PAPPA2: variants seen among roughly 807,000 people sequenced by gnomAD.
The protein encoded by PAPPA2 is pappalysin 2.
Under a neutral mutation model 176.4 loss-of-function variants are expected in PAPPA2, and 86 were observed. The ratio of observed to expected loss-of-function variants is 0.49; its 90% CI spans 0.41 to 0.58. The LOEUF (loss-of-function observed/expected upper bound fraction) is 0.58, where lower values mean the gene tolerates loss of function less well. Ranked by LOEUF, PAPPA2 falls within the 20% of genes least tolerant of loss-of-function variation. The pLI is 0.00. For synonymous variants in PAPPA2, 809 were observed against 852.2 expected (o/e 0.95, Z 0.88); for missense variants, 2,073 against 2,256.9 (o/e 0.92, Z 1.65).
chr1:176,818,705 C>T (rs901140636), intron 21 of PAPPA2, among the ~76,000 whole-genome samples: 13 of 152,182 alleles, frequency 8.5e-5, no homozygotes, highest in African/African-American at 2.9e-4. Context: ...AGCCTAATCC[C>T]AGCATAGCAG....
chr1:176,801,751 A>G (rs1483832593), intron 21 of PAPPA2, among the ~76,000 whole-genome samples: 1 of 152,138 alleles, frequency 6.6e-6, no homozygotes, highest in Non-Finnish European at 1.5e-5. Flanking sequence ...TGCTGCTTCT[A>G]TGCATGATCT....
chr1:176,561,601 TA>T (rs1388400653), intron 2 of PAPPA2, among the ~76,000 whole-genome samples: 2 of 152,190 alleles, frequency 1.3e-5, no homozygotes, highest in Non-Finnish European at 2.9e-5. Context: ...TTATTTTATT[TA>T]AAAAAATCCA....
At chr1:176,729,850 A>T (rs532664961) in intron 12 of PAPPA2, among the ~76,000 whole-genome samples, 1 of 152,186 alleles carries the variant, frequency 6.6e-6, no homozygotes, top group African/African-American at 2.4e-5. Flanking sequence ...GCCTCTTGAA[A>T]AACATACTTG....
intron 3 of PAPPA2, among the ~76,000 whole-genome samples, chr1:176,658,256 G>A (rs763257987): frequency 5.3e-5 from 8 of 151,926 alleles, no homozygotes; most frequent in Non-Finnish European, 1.0e-4. Context: ...AGGAACACTA[G>A]TTTTGATGTT....
At chr1:176,521,349 G>A (rs1280025733) in intron 1 of PAPPA2, among the ~76,000 whole-genome samples, 1 of 152,062 alleles carries the variant, frequency 6.6e-6, no homozygotes, top group Non-Finnish European at 1.5e-5. Flanking sequence ...TTGGAACTCA[G>A]CAACCACCCT....
chr1:176,629,314 A>G (rs550675508), intron 3 of PAPPA2, among the ~76,000 whole-genome samples: 62 of 152,342 alleles, frequency 4.1e-4, no homozygotes, highest in African/African-American at 1.1e-3. Context: ...TAATGAAAAT[A>G]TTAAATAATG....
At chr1:176,693,156 A>G (rs1446081781) in intron 6 of PAPPA2, among the ~76,000 whole-genome samples, 2 of 152,234 alleles carry the variant, frequency 1.3e-5, no homozygotes, top group East Asian at 1.9e-4. Context: ...TGACCTGTGC[A>G]GACTGACCTC....
At position 176,844,417 on chromosome 1, in the gene PAPPA2, A is replaced by C. The variant is rs1423757558; in HGVS notation, c.*1963A>C. 1.3e-5 allele frequency: 2 copies of C among 152,192 alleles called. No homozygotes were observed. Among genetic ancestry groups the C allele is most frequent in the African/African-American group, 2.4e-5 (1 of 41,466 alleles). 9.4% of individuals were successfully genotyped at this position (152,192 alleles called of 1,614,324 possible). Reference sequence around the variant, plus strand: ...CCTGAAAGAGAATAAAACACGAATAAGGTGATGTACCCACATTAATCTGTG... The same window carrying C: ...CCTGAAAGAGAATAAAACACGAATACGGTGATGTACCCACATTAATCTGTG... On this transcript the variant is annotated 3_prime_UTR_variant, in exon 23 of 23. Coordinates refer to ENST00000367662, the MANE Select transcript of PAPPA2 (RefSeq NM_020318.3).
At chr1:176,690,787 G>C (rs977282407) in intron 5 of PAPPA2, 2 of 1,060,850 alleles carry the variant, frequency 1.9e-6, no homozygotes, top group Non-Finnish European at 2.3e-6. Flanking sequence ...TTACTCTGAA[G>C]AAGAGTCCAA....
At chr1:176,796,116 G>A (rs1311157855) in intron 20 of PAPPA2, among the ~76,000 whole-genome samples, 2 of 152,154 alleles carry the variant, frequency 1.3e-5, no homozygotes, top group Non-Finnish European at 2.9e-5. Flanking sequence ...GTGTGTAACA[G>A]CTCCAGTGAC....
chr1:176,729,653 T>G lies in PAPPA2; in HGVS notation c.3799-9973T>G, dbSNP rs73048105. On this transcript the variant is annotated intron_variant, in intron 12 of 22. Coordinates refer to ENST00000367662, the MANE Select transcript of PAPPA2 (RefSeq NM_020318.3). ...AAGAGCAGACAAATTCAAAATTGAA[T>G]GAACTATTCATTATTCATGAACACT... Among the ~76,000 whole-genome samples the G allele has an allele frequency of 3.3e-3, 503 of 152,170 alleles. 2 individuals are homozygous for G. The highest frequency in any genetic ancestry group is 8.1e-3 in the African/African-American group (338 of 41,570).
chr1:176,759,440 C>T (rs938795853), intron 14 of PAPPA2, among the ~76,000 whole-genome samples: 3 of 152,108 alleles, frequency 2.0e-5, no homozygotes, highest in Non-Finnish European at 4.4e-5. Flanking sequence ...ACCTCCATCA[C>T]CATCAGGAAA....
At chr1:176,485,110 T>G (rs954088924) in intron 1 of PAPPA2, among the ~76,000 whole-genome samples, 1 of 152,246 alleles carries the variant, frequency 6.6e-6, no homozygotes, top group African/African-American at 2.4e-5. Flanking sequence ...TCCCACATGC[T>G]GGACTGGGAA....
chr1:176,597,404 GC>G (rs1178694591), intron 3 of PAPPA2, among the ~76,000 whole-genome samples: 1 of 152,132 alleles, frequency 6.6e-6, no homozygotes, highest in Non-Finnish European at 1.5e-5. Context: ...CAGATAGCAA[GC>G]TTTTATTTAC....
intron 17 of PAPPA2, among the ~76,000 whole-genome samples, chr1:176,789,323 G>A (rs1221056273): frequency 6.6e-6 from 1 of 151,594 alleles, no homozygotes; most frequent in Non-Finnish European, 1.5e-5. Flanking sequence ...AACACTGCAT[G>A]TTCTCACCCA....
At chr1:176,677,570 C>A (rs1421990292) in intron 4 of PAPPA2, among the ~76,000 whole-genome samples, 4 of 152,252 alleles carry the variant, frequency 2.6e-5, no homozygotes, top group Admixed American at 2.0e-4. Context: ...GTAAACAATG[C>A]CTGAATTGAA....
chr1:176,496,880 A>T (rs1647662067), intron 1 of PAPPA2, among the ~76,000 whole-genome samples: 1 of 152,236 alleles, frequency 6.6e-6, no homozygotes. Context: ...ATTACTCAAG[A>T]GTAACATGAG....
intron 12 of PAPPA2, among the ~76,000 whole-genome samples, chr1:176,717,164 A>G (rs1046835717): frequency 2.6e-5 from 4 of 152,174 alleles, no homozygotes; most frequent in Non-Finnish European, 4.4e-5. Flanking sequence ...AAGGTAGAAG[A>G]TCAGTAGGAC....
At chr1:176,828,952 G>A (rs1207031391) in intron 21 of PAPPA2, among the ~76,000 whole-genome samples, 2 of 151,890 alleles carry the variant, frequency 1.3e-5, no homozygotes, top group Admixed American at 6.6e-5. Context: ...GCAGTGAGCC[G>A]AGATCATGCC....
Sources: gnomAD v4.1 joint callset for allele counts (sites outside exome capture counted in the v4.1 genomes callset) on GRCh38, gnomAD v4.1.1 for gene constraint, MANE v1.5 for transcripts, NCBI Gene and HGNC (gene_info 2026-07-23, HGNC 2026-07-21) for gene names.